SEMA3E: variants seen among roughly 807,000 people sequenced by gnomAD.
SEMA3E encodes semaphorin-3E.
A neutral mutation model predicts 93.6 loss-of-function variants in SEMA3E; 49 were observed. That is an observed-to-expected ratio of 0.52 (90% CI 0.42 to 0.66). The LOEUF is 0.66. Among genes scored for constraint, SEMA3E ranks in the 30% least tolerant of loss-of-function variants. SEMA3E has a pLI of 0.00. For synonymous variants in SEMA3E, 363 were observed against 330.7 expected, an observed-to-expected ratio of 1.10 and a Z score of -1.06; for missense variants, 906 against 964.8, an observed-to-expected ratio of 0.94 and a Z score of 0.81.
At chr7:83,436,407 TAAGA>T (rs922980669) in intron 4 of SEMA3E, among the ~76,000 whole-genome samples, 2 of 151,574 alleles carry the variant, frequency 1.3e-5, no homozygotes, top group African/African-American at 4.8e-5. Context: ...AAGTGGCAGA[TAAGA>T]AAGATGAAGT....
intron 1 of SEMA3E, among the ~76,000 whole-genome samples, chr7:83,641,606 CA>C (rs1232090403): frequency 6.6e-6 from 1 of 152,166 alleles, no homozygotes; most frequent in Non-Finnish European, 1.5e-5. Context: ...ATAATTCTTA[CA>C]ATAACTTACA....
At chr7:83,582,663 A>T (rs892076842) in intron 1 of SEMA3E, among the ~76,000 whole-genome samples, 1 of 152,146 alleles carries the variant, frequency 6.6e-6, no homozygotes, top group Admixed American at 6.6e-5. Context: ...ATCTATTTGG[A>T]TTGGCAGATG....
intron 4 of SEMA3E, among the ~76,000 whole-genome samples, chr7:83,427,032 A>T (rs1788786122): frequency 6.6e-6 from 1 of 152,120 alleles, no homozygotes; most frequent in South Asian, 2.1e-4. Flanking sequence ...TTAAAAAAGA[A>T]ATCAAAGATT....
chr7:83,366,446 AAAAG>A lies in SEMA3E; in HGVS notation c.*1136_*1139del, dbSNP rs1794669492. On this transcript the variant is annotated 3_prime_UTR_variant, in exon 17 of 17. Transcript: ENST00000643230. Reference sequence around the variant, plus strand: ...GAAACAATTTTCTGTCTCTTAATATAAAAGAGAGAAGAAAATTTGATATTTGAGA... The same window carrying A: ...GAAACAATTTTCTGTCTCTTAATATAAGAGAAGAAAATTTGATATTTGAGA... The A allele has an allele frequency of 2.0e-5, 3 of 150,082 alleles. No individual in the cohort carries two copies. Among genetic ancestry groups the A allele is most frequent in the South Asian group, 2.1e-4 (1 of 4,772 alleles). The allele number at this position is 150,082 out of a possible 1,614,324, so 9.3% of individuals were successfully genotyped here.
At chr7:83,635,505 C>A (rs1203962917) in intron 1 of SEMA3E, among the ~76,000 whole-genome samples, 3 of 151,230 alleles carry the variant, frequency 2.0e-5, no homozygotes, top group Non-Finnish European at 4.4e-5. Flanking sequence ...TCTATTTATG[C>A]CCATTAGTTT....
chr7:83,431,700 G>C (rs1788887195), intron 4 of SEMA3E, among the ~76,000 whole-genome samples: 1 of 151,882 alleles, frequency 6.6e-6, no homozygotes, highest in Non-Finnish European at 1.5e-5. Context: ...ATGAGTCATT[G>C]TACCCAGCCC....
At chr7:83,370,403 T>G (rs1018811134) in intron 16 of SEMA3E, among the ~76,000 whole-genome samples, 7 of 152,192 alleles carry the variant, frequency 4.6e-5, no homozygotes, top group Non-Finnish European at 7.3e-5. Flanking sequence ...TCTCTCATTA[T>G]ATGCTATCAC....
At chr7:83,479,370 ATATC>A (rs943001867) in intron 2 of SEMA3E, among the ~76,000 whole-genome samples, 4 of 152,154 alleles carry the variant, frequency 2.6e-5, no homozygotes, top group African/African-American at 4.8e-5. Flanking sequence ...TGGCACATGT[ATATC>A]TATCTATCTT....
chr7:83,447,174 A>T (rs2115805395), intron 4 of SEMA3E, among the ~76,000 whole-genome samples: 1 of 152,298 alleles, frequency 6.6e-6, no homozygotes, highest in South Asian at 2.1e-4. Context: ...CTGATCAATT[A>T]ATCAATATAG....
chr7:83,581,425 C>T (rs866765076), intron 1 of SEMA3E, among the ~76,000 whole-genome samples: 1 of 151,898 alleles, frequency 6.6e-6, no homozygotes, highest in Non-Finnish European at 1.5e-5. Context: ...TCAATTTTCC[C>T]GTTTGAAGGA....
chr7:83,409,777 C>A (rs1788403725), intron 5 of SEMA3E, among the ~76,000 whole-genome samples: 1 of 151,354 alleles, frequency 6.6e-6, no homozygotes, highest in African/African-American at 2.4e-5. Flanking sequence ...TTTATTAGAA[C>A]TTTAAAAATT....
chr7:83,519,097 A>G (rs1002356664), intron 1 of SEMA3E, among the ~76,000 whole-genome samples: 1 of 151,874 alleles, frequency 6.6e-6, no homozygotes, highest in Non-Finnish European at 1.5e-5. Context: ...CATTAGGTAT[A>G]TCTCCTAAAG....
At chr7:83,525,778 G>C (rs926962364) in intron 1 of SEMA3E, among the ~76,000 whole-genome samples, 1 of 90,926 alleles carries the variant, frequency 1.1e-5, no homozygotes, top group African/African-American at 4.1e-5. Flanking sequence ...ATTTTTGTTT[G>C]TTTGGGTTTT....
rs775000046 is a variant in SEMA3E, at chr7:83,367,887, T to C, written c.2027A>G (p.Glu676Gly). Reference sequence around the variant, plus strand: ...CTTGTTAAACATATCCTCGACTTTCTCCTCTTCCACTACCTCCAAGGTGAT... The same window carrying C: ...CTTGTTAAACATATCCTCGACTTTCCCCTCTTCCACTACCTCCAAGGTGAT... The part of the protein sequence containing the change: ...RKITLEVVEE[E>G]KVEDMFNKDD... The change falls in exon 17 of 17, where the codon GAG becomes GGG. Residue 676 changes from glutamate (E) to glycine (G), a missense_variant. Coordinates refer to ENST00000643230, the MANE Select transcript of SEMA3E (RefSeq NM_012431.3). 2 of 1,610,810 alleles carry C rather than the reference T, an allele frequency of 1.2e-6. No individual in the cohort carries two copies. Among genetic ancestry groups the C allele is most frequent in the Non-Finnish European group, 1.7e-6 (2 of 1,177,798 alleles).
chr7:83,571,699 A>G (rs1169360380), intron 1 of SEMA3E, among the ~76,000 whole-genome samples: 5 of 152,324 alleles, frequency 3.3e-5, no homozygotes, highest in Middle Eastern at 3.4e-3. Context: ...CTCCTATTCA[A>G]CATAGTACTG....
intron 1 of SEMA3E, among the ~76,000 whole-genome samples, chr7:83,510,234 A>G (rs532316823): frequency 3.9e-4 from 59 of 152,286 alleles, no homozygotes; most frequent in Middle Eastern, 6.8e-3. Context: ...TTTTAGAGGA[A>G]TTAGAAAATA....
chr7:83,495,805 A>G (rs1790479389), intron 1 of SEMA3E, among the ~76,000 whole-genome samples: 1 of 152,008 alleles, frequency 6.6e-6, no homozygotes, highest in South Asian at 2.1e-4. Context: ...ACTAGTGAAA[A>G]TAAGAATTCA....
intron 1 of SEMA3E, among the ~76,000 whole-genome samples, chr7:83,518,417 A>G (rs1158106118): frequency 6.6e-6 from 1 of 152,018 alleles, no homozygotes; most frequent in Non-Finnish European, 1.5e-5. Context: ...AGGTGGCGGG[A>G]CATATAACCA....
intron 1 of SEMA3E, among the ~76,000 whole-genome samples, chr7:83,497,090 G>A (rs1790503579): frequency 6.6e-6 from 1 of 152,106 alleles, no homozygotes; most frequent in Non-Finnish European, 1.5e-5. Flanking sequence ...TAAGCTGCAT[G>A]CTAGTTATCA....
Sources: allele counts gnomAD v4.1 joint callset (sites outside exome capture counted in the v4.1 genomes callset), GRCh38; gene constraint gnomAD v4.1.1; transcripts MANE v1.5; gene names NCBI Gene and HGNC (gene_info 2026-07-23, HGNC 2026-07-21).